KCNH5: variants seen among roughly 807,000 people sequenced by gnomAD.
The protein encoded by KCNH5 is potassium voltage-gated channel subfamily H member 5.
A neutral mutation model predicts 96.1 loss-of-function variants in KCNH5; 46 were observed. The ratio of observed to expected loss-of-function variants is 0.48; its 90% confidence interval spans 0.38 to 0.61. The LOEUF (loss-of-function observed/expected upper bound fraction) is 0.61. Among genes scored for constraint, KCNH5 ranks in the 20% least tolerant of loss-of-function variants. The probability of loss-of-function intolerance (pLI) is 0.00; values close to 1 mark genes in which losing one functional copy is unlikely to be tolerated. For missense variants in KCNH5, 907 were observed against 1,225.8 expected, an observed-to-expected ratio of 0.74 and a Z score of 3.88; for synonymous variants, 439 against 449.8, an observed-to-expected ratio of 0.98 and a Z score of 0.30.
At chr14:63,023,736 G>A (rs28408216) in intron 1 of KCNH5, among the ~76,000 whole-genome samples, 43,809 of 151,982 alleles carry the variant, frequency 0.29, 7,516 homozygotes, top group East Asian at 0.57. Context: ...CACAAAGTAG[G>A]TCTTAACAAA....
At chr14:62,878,664 C>A (rs185036388) in intron 7 of KCNH5, among the ~76,000 whole-genome samples, 112 of 152,172 alleles carry the variant, frequency 7.4e-4, no homozygotes, top group African/African-American at 2.6e-3. Flanking sequence ...TTTGAAGGTC[C>A]TTTACATTCA....
chr14:62,999,685 G>A (rs1890974965), intron 4 of KCNH5, among the ~76,000 whole-genome samples: 2 of 136,410 alleles, frequency 1.5e-5, no homozygotes, highest in Non-Finnish European at 3.1e-5. Flanking sequence ...GACACAGGAA[G>A]GGGAACATCA....
intron 6 of KCNH5, among the ~76,000 whole-genome samples, chr14:62,971,988 A>C (rs760607559): frequency 6.6e-6 from 1 of 152,200 alleles, no homozygotes; most frequent in African/African-American, 2.4e-5. Context: ...AATCCATGAA[A>C]GTAATAATTG....
chr14:63,041,996 A>G lies in KCNH5; in HGVS notation c.73+3118T>C, dbSNP rs187079522. ...CACACTTCTTGCTTTTTTGTTTCAC[A>G]TCATCAAAAAAATGTTCTGGTAAAT... On this transcript the variant is annotated intron_variant, in intron 1 of 10. Transcript: ENST00000322893. Among the ~76,000 whole-genome samples, 52 of 152,262 alleles carry G rather than the reference A, an allele frequency of 3.4e-4. No individual in the cohort carries two copies. In the Middle Eastern group the frequency reaches 0.01, roughly 30 times the overall value.
Position 62,858,728 on chromosome 14 carries a change from C to T in KCNH5, c.1370-8876G>A, listed in dbSNP as rs143376862. On this transcript the variant is annotated intron_variant, in intron 7 of 10. Transcript: ENST00000322893. ...ATGGTGAATGGTGCCACTTCCACTT[C>T]CACCCCTTAATTACTAGACCCATGA... is the stretch of plus-strand genomic sequence containing the variant. Among the ~76,000 whole-genome samples the T allele has an allele frequency of 3.6e-3, 542 of 152,228 alleles. 6 individuals are homozygous for T. Among genetic ancestry groups the T allele is most frequent in the African/African-American group, 0.012 (495 of 41,526 alleles).
rs1889976579 is a variant in KCNH5 at position 62,950,343 on chromosome 14, T to A, written c.1159A>T (p.Ser387Cys). Reference protein sequence around the residue: ...DEVTNTIQIDSWLYQLALSIG... With the variant: ...DEVTNTIQIDCWLYQLALSIG... ...CTCAAAGCCAGCTGGTAGAGCCAAC[T>A]GTCTATTTGGATGGTGTTAGTGACT... The change falls in exon 7 of 11, where the codon AGT becomes TGT. Residue 387 changes from serine to cysteine, a missense_variant. Transcript: ENST00000322893. The A allele has an allele frequency of 6.2e-7, 1 of 1,613,926 alleles. No homozygotes were observed. The highest frequency in any genetic ancestry group is 1.1e-5 in the South Asian group (1 of 91,088).
chr14:62,747,123 C>T (rs1471859272), intron 10 of KCNH5, among the ~76,000 whole-genome samples: 1 of 152,176 alleles, frequency 6.6e-6, no homozygotes, highest in Non-Finnish European at 1.5e-5. Flanking sequence ...CACCTGAGGT[C>T]AGGAGTTCAA....
intron 10 of KCNH5, among the ~76,000 whole-genome samples, chr14:62,746,400 A>G (rs1463895111): frequency 6.6e-6 from 1 of 152,230 alleles, no homozygotes; most frequent in Non-Finnish European, 1.5e-5. Flanking sequence ...AATAAAAAGA[A>G]CAATGCACAA....
chr14:62,836,729 TATTA>T (rs1187543527), intron 8 of KCNH5, among the ~76,000 whole-genome samples: 1 of 152,074 alleles, frequency 6.6e-6, no homozygotes, highest in Non-Finnish European at 1.5e-5. Flanking sequence ...ATTGAAAAAA[TATTA>T]ATTATTTATG....
chr14:62,797,878 A>T (rs771219160), intron 9 of KCNH5, among the ~76,000 whole-genome samples: 2 of 151,810 alleles, frequency 1.3e-5, no homozygotes, highest in Non-Finnish European at 2.9e-5. Context: ...CAGCAAACCC[A>T]GGTAATTTTT....
intron 10 of KCNH5, among the ~76,000 whole-genome samples, chr14:62,742,147 A>G (rs1885283777): frequency 6.6e-6 from 1 of 152,114 alleles, no homozygotes; most frequent in African/African-American, 2.4e-5. Flanking sequence ...TCGGATAACT[A>G]ACGTCCTAAG....
intron 7 of KCNH5, among the ~76,000 whole-genome samples, chr14:62,932,598 T>C (rs1566712837): frequency 6.6e-6 from 1 of 151,334 alleles, no homozygotes; most frequent in Non-Finnish European, 1.5e-5. Flanking sequence ...CAAGAAAATA[T>C]CCCAGTAGTG....
chr14:62,908,782 A>ATTTTTTTTTTT lies in KCNH5; in HGVS notation c.1369+41340_1369+41350dup, dbSNP rs71120241. Among the ~76,000 whole-genome samples the ATTTTTTTTTTT allele has an allele frequency of 1.6e-3, 39 of 23,718 alleles. 3 individuals are homozygous for ATTTTTTTTTTT. Among genetic ancestry groups the ATTTTTTTTTTT allele is most frequent in the Non-Finnish European group, 2.0e-3 (29 of 14,348 alleles). 15.6% of individuals were successfully genotyped at this position (23,718 alleles called of 152,430 possible). On this transcript the variant is annotated intron_variant, in intron 7 of 10. Transcript: ENST00000322893. ...TTGCCCTTTGTTGATTTTGCTTTGT[A>ATTTTTTTTTTT]TTTTTTTTTTTTTTTTTTTTTTTTT...
intron 10 of KCNH5, among the ~76,000 whole-genome samples, chr14:62,766,086 A>G (rs1348387717): frequency 6.6e-6 from 1 of 152,216 alleles, no homozygotes; most frequent in African/African-American, 2.4e-5. Flanking sequence ...AGGCATATGA[A>G]AATGTGCTCA....
Position 63,016,817 on chromosome 14 carries a change from AT to A in KCNH5, c.197+13del. 6.2e-7 allele frequency: 1 copy of A among 1,602,302 alleles called. No homozygotes were observed. Among genetic ancestry groups the A allele is most frequent in the Non-Finnish European group, 8.5e-7 (1 of 1,175,822 alleles). On this transcript the variant is annotated intron_variant, in intron 2 of 10. Transcript: ENST00000322893. ...AAATTTCAGAAAAGATTACTTAGCTATTCTGTTACCTACCTGCAAGTGCTGC... is the reference window on the plus strand; with the variant it reads ...AAATTTCAGAAAAGATTACTTAGCTATCTGTTACCTACCTGCAAGTGCTGC...
chr14:62,851,674 T>A (rs1340656745), intron 7 of KCNH5, among the ~76,000 whole-genome samples: 2 of 152,098 alleles, frequency 1.3e-5, no homozygotes, highest in Admixed American at 1.3e-4. Flanking sequence ...TTTAAATTTT[T>A]AAAATAATGA....
Position 63,001,285 on chromosome 14 carries a change from T to C in KCNH5, c.433+46A>G, listed in dbSNP as rs118111920. 4,250 of 1,535,046 alleles carry C rather than the reference T, an allele frequency of 2.8e-3. 29 individuals carry two copies. The highest frequency in any genetic ancestry group is 0.019 in the East Asian group (815 of 42,814). The stretch of plus-strand genomic sequence containing the variant: ...GAGGTAAAACAGTAAGAAGATCTTT[T>C]AGCAACAGCCTAATTTTTCAGTGTA... On this transcript the variant is annotated intron_variant, in intron 4 of 10. Transcript: ENST00000322893.
At chr14:62,830,632 A>G (rs1595643814) in intron 8 of KCNH5, among the ~76,000 whole-genome samples, 1 of 148,770 alleles carries the variant, frequency 6.7e-6, no homozygotes, top group African/African-American at 2.4e-5. Flanking sequence ...GGAGGAAACC[A>G]CCCCCCGATC....
At chr14:62,783,993 T>C (rs1477827556) in intron 9 of KCNH5, among the ~76,000 whole-genome samples, 1 of 151,896 alleles carries the variant, frequency 6.6e-6, no homozygotes, top group African/African-American at 2.4e-5. Flanking sequence ...TTTATAATTA[T>C]ATGTTATTAT....
Sources: gnomAD v4.1 joint callset for allele counts (sites outside exome capture counted in the v4.1 genomes callset) on GRCh38, gnomAD v4.1.1 for gene constraint, MANE v1.5 for transcripts, NCBI Gene and HGNC (gene_info 2026-07-23, HGNC 2026-07-21) for gene names.